RPIA: variants seen among roughly 807,000 people sequenced by gnomAD.
RPIA encodes the protein ribose-5-phosphate isomerase.
In RPIA, 29 loss-of-function variants were observed where a neutral mutation model predicts 37.8. That is an observed-to-expected ratio of 0.77 (90% CI 0.57 to 1.05). RPIA has a LOEUF of 1.05. Among genes scored for constraint, RPIA ranks in the 50% least tolerant of loss-of-function variants. The probability of loss-of-function intolerance (pLI) is 0.00; values close to 1 mark genes in which losing one functional copy is unlikely to be tolerated. For synonymous variants in RPIA, 167 were observed against 157.0 expected (o/e 1.06, Z -0.48); for missense variants, 385 against 413.6 (o/e 0.93, Z 0.60).
At position 88,691,749 on chromosome 2, in the gene RPIA, G is replaced by C. The variant is rs1171024537; in HGVS notation, c.51G>C (p.Pro17=). ...FSTLYGRVLA[P]LPGRAGGAAS... ...CCCTCTACGGGCGGGTCTTGGCCCC[G>C]CTGCCCGGGAGGGCCGGGGGCGCGG... Residue 17 remains proline (P), a synonymous_variant, in exon 1 of 9, where the codon CCG becomes CCC. Transcript: ENST00000283646. 1 of 1,594,868 alleles carries C rather than the reference G, an allele frequency of 6.3e-7. No individual in the cohort carries two copies. Among genetic ancestry groups the C allele is most frequent in the Non-Finnish European group, 8.5e-7 (1 of 1,175,400 alleles).
intron 8 of RPIA, among the ~76,000 whole-genome samples, chr2:88,747,380 G>T (rs1182754237): frequency 6.6e-6 from 1 of 152,184 alleles, no homozygotes; most frequent in Non-Finnish European, 1.5e-5. Flanking sequence ...GGCCTCTCAG[G>T]CCTCGCCCCT....
intron 3 of RPIA, among the ~76,000 whole-genome samples, chr2:88,711,121 G>A (rs1672955909): frequency 6.6e-6 from 1 of 152,204 alleles, no homozygotes. Context: ...AAAAATACCT[G>A]AGGTCCGGGC....
chr2:88,718,740 G>A (rs1673067086), intron 3 of RPIA, among the ~76,000 whole-genome samples: 1 of 152,130 alleles, frequency 6.6e-6, no homozygotes, highest in African/African-American at 2.4e-5. Context: ...TTGCACTTAT[G>A]CAAATAACTG....
intron 4 of RPIA, among the ~76,000 whole-genome samples, 191 bp downstream of exon 4, chr2:88,729,528 C>T (rs1420491726): frequency 1.3e-5 from 2 of 152,138 alleles, no homozygotes; most frequent in Non-Finnish European, 2.9e-5. Flanking sequence ...TCCTTTCCAC[C>T]ACATTCCTTG....
chr2:88,715,383 A>G (rs1673021628), intron 3 of RPIA, among the ~76,000 whole-genome samples: 1 of 152,240 alleles, frequency 6.6e-6, no homozygotes, highest in Non-Finnish European at 1.5e-5. Flanking sequence ...AGCAATTCTT[A>G]AAAGCCTTAT....
chr2:88,700,004 C>T lies in RPIA; in HGVS notation c.347-5C>T, dbSNP rs1166848117. 22 of 1,613,962 alleles carry T rather than the reference C, an allele frequency of 1.4e-5. No individual in the cohort carries two copies. The highest frequency in any genetic ancestry group is 1.8e-5 in the Non-Finnish European group (21 of 1,179,980). ...AAACTGCCAATATGGCTTTTGTTTC[C>T]ACAGCTGAAAGGGTGAAGCAAGAGA... On this transcript the variant is annotated splice_region_variant and splice_polypyrimidine_tract_variant and intron_variant, in intron 2 of 8. Transcript: ENST00000283646.
chr2:88,740,571 C>T (rs528237364), intron 8 of RPIA, among the ~76,000 whole-genome samples: 53 of 152,324 alleles, frequency 3.5e-4, no homozygotes, highest in Non-Finnish European at 6.3e-4. Flanking sequence ...TAGAAAACAA[C>T]TCCCTTTGAT....
At chr2:88,698,005 C>G (rs1222219478) in intron 1 of RPIA, among the ~76,000 whole-genome samples, 1 of 151,832 alleles carries the variant, frequency 6.6e-6, no homozygotes, top group Non-Finnish European at 1.5e-5. Flanking sequence ...ATTGTTTTTT[C>G]TTAGGTGTTT....
intron 8 of RPIA, among the ~76,000 whole-genome samples, chr2:88,738,333 G>T (rs544458883): frequency 6.6e-6 from 1 of 152,356 alleles, no homozygotes; most frequent in East Asian, 1.9e-4. Flanking sequence ...TCCTGAAGCT[G>T]ATGGAAGTTC....
At chr2:88,744,307 A>T (rs1456676651) in intron 8 of RPIA, among the ~76,000 whole-genome samples, 2 of 152,200 alleles carry the variant, frequency 1.3e-5, no homozygotes, top group Admixed American at 6.5e-5. Context: ...ATGTATTTGT[A>T]TAGTTTTGAG....
At chr2:88,707,057 C>T (rs1195203870) in intron 3 of RPIA, among the ~76,000 whole-genome samples, 1 of 152,190 alleles carries the variant, frequency 6.6e-6, no homozygotes, top group Non-Finnish European at 1.5e-5. Context: ...AAATGGAGGG[C>T]ACATTTTAGA....
intron 3 of RPIA, among the ~76,000 whole-genome samples, chr2:88,726,181 C>T (rs1209782076): frequency 6.6e-6 from 1 of 152,080 alleles, no homozygotes; most frequent in Non-Finnish European, 1.5e-5. Flanking sequence ...CGACCAGGCC[C>T]TTCTCATGTG....
chr2:88,692,192 C>A (rs912931040), intron 1 of RPIA, among the ~76,000 whole-genome samples: 105 of 152,296 alleles, frequency 6.9e-4, no homozygotes, highest in African/African-American at 2.5e-3. Context: ...GGGGGCGAAT[C>A]TTCTAATACT....
intron 3 of RPIA, among the ~76,000 whole-genome samples, chr2:88,711,293 C>T (rs915021341): frequency 2.0e-5 from 3 of 152,152 alleles, no homozygotes; most frequent in East Asian, 1.9e-4. Context: ...TGGTTTTATA[C>T]GTTTTAGGGA....
chr2:88,701,289 A>G (rs1396310208), intron 3 of RPIA, among the ~76,000 whole-genome samples: 1 of 150,732 alleles, frequency 6.6e-6, no homozygotes, highest in Admixed American at 6.6e-5. Flanking sequence ...TCTTGAGGCA[A>G]TGCTTTTAAA....
chr2:88,738,193 A>G (rs972770299), intron 8 of RPIA, 117 bp downstream of exon 8: 10 of 784,118 alleles, frequency 1.3e-5, no homozygotes, highest in East Asian at 2.7e-5. Flanking sequence ...GTTGGAAAGA[A>G]GAATTCCCTT....
rs114797838 is a variant in RPIA at position 88,711,550 on chromosome 2, G to A, written c.402+11486G>A. 5.3e-3 allele frequency among the ~76,000 whole-genome samples: 814 copies of A among 152,326 alleles called. 2 individuals are homozygous for A. The highest frequency in any genetic ancestry group is 0.011 in the Admixed American group (166 of 15,290). Reference sequence around the variant, plus strand: ...TTTATGCAGATGAAGCTTTTAGGTAGCAGGTGTCAGAATAGATTGTAAATG... The same window carrying A: ...TTTATGCAGATGAAGCTTTTAGGTAACAGGTGTCAGAATAGATTGTAAATG... On this transcript the variant is annotated intron_variant, in intron 3 of 8. Transcript: ENST00000283646.
chr2:88,733,994 A>G (rs1673283645), intron 4 of RPIA, among the ~76,000 whole-genome samples: 1 of 152,080 alleles, frequency 6.6e-6, no homozygotes, highest in Admixed American at 6.6e-5. Context: ...TCGGGAACTC[A>G]TCAGCTTTCT....
intron 3 of RPIA, among the ~76,000 whole-genome samples, chr2:88,707,263 A>T (rs1672909030): frequency 6.6e-6 from 1 of 151,908 alleles, no homozygotes; most frequent in Non-Finnish European, 1.5e-5. Flanking sequence ...TATTTCTTTT[A>T]ATCTGTTTAG....
Sources: gnomAD v4.1 joint callset for allele counts (sites outside exome capture counted in the v4.1 genomes callset) on GRCh38, gnomAD v4.1.1 for gene constraint, MANE v1.5 for transcripts, NCBI Gene and HGNC (gene_info 2026-07-23, HGNC 2026-07-21) for gene names.